PYGB: variants seen among roughly 807,000 people sequenced by gnomAD.
The protein encoded by PYGB is glycogen phosphorylase B, also known as glycogen phosphorylase, brain form.
PYGB carries 82 observed loss-of-function variants against 94.3 expected under a neutral mutation model. That is an observed-to-expected ratio of 0.87 (90% confidence interval 0.73 to 1.04). The LOEUF (loss-of-function observed/expected upper bound fraction) is 1.04, where lower values mean the gene tolerates loss of function less well. PYGB is among the 50% of genes least tolerant of loss of function. The probability of loss-of-function intolerance (pLI) is 0.00; values close to 1 mark genes in which losing one functional copy is unlikely to be tolerated. For synonymous variants in PYGB, 488 were observed against 479.1 expected, an observed-to-expected ratio of 1.02 and a Z score of -0.24; for missense variants, 1,132 against 1,158.2, an observed-to-expected ratio of 0.98 and a Z score of 0.33.
intron 19 of PYGB, 72 bp downstream of exon 19, chr20:25,295,742 T>G: frequency 1.4e-6 from 2 of 1,479,000 alleles, no homozygotes; most frequent in Non-Finnish European, 1.9e-6. Flanking sequence ...GTCAGATTGT[T>G]TATTTCCCAA....
chr20:25,263,186 C>T (rs1397669146), intron 2 of PYGB, among the ~76,000 whole-genome samples: 3 of 152,260 alleles, frequency 2.0e-5, no homozygotes, highest in Admixed American at 6.5e-5. Flanking sequence ...CCACATCGCA[C>T]TTATTCCAAA....
intron 1 of PYGB, among the ~76,000 whole-genome samples, chr20:25,249,371 T>G (rs2092881198): frequency 6.6e-6 from 1 of 152,184 alleles, no homozygotes; most frequent in Admixed American, 6.5e-5. Context: ...CTGTTGCCAG[T>G]TTTTTGTTGT....
intron 18 of PYGB, among the ~76,000 whole-genome samples, chr20:25,295,333 G>T (rs545682903): frequency 5.3e-5 from 8 of 152,256 alleles, no homozygotes; most frequent in African/African-American, 1.9e-4. Context: ...TGGAAGACAC[G>T]TTTTAAATGC....
chr20:25,257,521 A>G (rs966343163), intron 1 of PYGB, among the ~76,000 whole-genome samples: 1 of 152,202 alleles, frequency 6.6e-6, no homozygotes, highest in Non-Finnish European at 1.5e-5. Context: ...AGAGAGAGCA[A>G]ACTACAACCT....
Position 25,292,507 on chromosome 20 carries a change from G to A in PYGB, c.2071G>A (p.Gly691Ser), listed in dbSNP as rs142831569. ...KFMLNGALTI[G>S]TMDGANVEMA... ...CATGCTCAACGGGGCCCTCACCATC[G>A]GCACCATGGACGGCGCCAACGTGGA... Residue 691 changes from glycine (G) to serine (S), a missense_variant, in exon 17 of 20, where the codon GGC becomes AGC. By Grantham distance (56) the Gly-to-Ser change is moderately conservative. Transcript: ENST00000216962. 44 of 1,613,628 alleles carry A rather than the reference G, an allele frequency of 2.7e-5. No homozygotes were observed. Among genetic ancestry groups the A allele is most frequent in the African/African-American group, 8.0e-5 (6 of 75,070 alleles).
At chr20:25,295,319 C>T (rs1211604618) in intron 18 of PYGB, among the ~76,000 whole-genome samples, 3 of 152,234 alleles carry the variant, frequency 2.0e-5, no homozygotes, top group East Asian at 1.9e-4. Context: ...AACTGCCCTG[C>T]GTGTGGAAGA....
chr20:25,296,284 AAC>A, intron 19 of PYGB, 84 bp from the exon 20 acceptor site: 2 of 1,526,826 alleles, frequency 1.3e-6, no homozygotes, highest in Non-Finnish European at 9.1e-7. Flanking sequence ...CTCATTTGGA[AAC>A]AGTCCTAAAG....
chr20:25,281,906 TA>T (rs2088371168), intron 11 of PYGB, 126 bp from the exon 12 acceptor site: 1 of 789,312 alleles, frequency 1.3e-6, no homozygotes, highest in African/African-American at 1.7e-5. Context: ...CTGTTCTCCT[TA>T]GAAAACAGAA....
At chr20:25,268,600 C>T (rs2088239766) in intron 2 of PYGB, among the ~76,000 whole-genome samples, 1 of 152,148 alleles carries the variant, frequency 6.6e-6, no homozygotes, top group South Asian at 2.1e-4. Context: ...GTAATGTGAG[C>T]AATTTGTCAA....
intron 5 of PYGB, among the ~76,000 whole-genome samples, chr20:25,275,501 T>TG (rs1175612365): frequency 1.3e-5 from 2 of 152,132 alleles, no homozygotes; most frequent in Non-Finnish European, 2.9e-5. Context: ...GGAGGCTGGG[T>TG]GGTCACTGGT....
intron 17 of PYGB, 181 bp from the exon 18 acceptor site, chr20:25,293,977 A>T: frequency 1.5e-6 from 1 of 684,300 alleles, no homozygotes; most frequent in Admixed American, 2.8e-5. Flanking sequence ...CTGCTCGAGC[A>T]GGTCCCTGCT....
At chr20:25,249,231 TA>T (rs1271258882) in intron 1 of PYGB, among the ~76,000 whole-genome samples, 2 of 152,146 alleles carry the variant, frequency 1.3e-5, no homozygotes, top group African/African-American at 4.8e-5. Flanking sequence ...ATAATGCACA[TA>T]CAGTTTTTTA....
intron 1 of PYGB, among the ~76,000 whole-genome samples, chr20:25,253,564 A>G (rs1356504248): frequency 2.0e-5 from 3 of 151,940 alleles, no homozygotes. Flanking sequence ...AGACAGGAGA[A>G]TTGCTTGAAC....
intron 1 of PYGB, among the ~76,000 whole-genome samples, chr20:25,257,908 G>C (rs981615536): frequency 1.3e-5 from 2 of 152,144 alleles, no homozygotes; most frequent in South Asian, 4.1e-4. Flanking sequence ...AGAATATTAA[G>C]TTCGTTCAAA....
intron 5 of PYGB, 89 bp from the exon 6 acceptor site, chr20:25,276,557 G>A: frequency 9.2e-7 from 1 of 1,081,090 alleles, no homozygotes; most frequent in Non-Finnish European, 1.4e-6. Context: ...AGGGCGCCAG[G>A]TGCCCAGGAG....
At chr20:25,263,738 T>C (rs1348509059) in intron 2 of PYGB, among the ~76,000 whole-genome samples, 1 of 152,188 alleles carries the variant, frequency 6.6e-6, no homozygotes, top group Non-Finnish European at 1.5e-5. Context: ...CAGGAAGAAG[T>C]TGAATTCCTG....
Position 25,281,025 on chromosome 20 carries a change from G to A in PYGB, c.1316G>A (p.Arg439Gln), listed in dbSNP as rs780734083. The A allele has an allele frequency of 1.4e-5, 23 of 1,614,106 alleles. No individual in the cohort carries two copies. The highest frequency in any genetic ancestry group is 4.4e-5 in the South Asian group (4 of 91,090). Reference sequence around the variant, plus strand: ...GTGATCGAGGAGGGGGACTGCAAGCGGATCAACATGGCCCACCTGTGTGTG... The same window carrying A: ...GTGATCGAGGAGGGGGACTGCAAGCAGATCAACATGGCCCACCTGTGTGTG... ...MSVIEEGDCK[R>Q]INMAHLCVIG... is the part of the protein sequence containing the mutation. Residue 439 changes from arginine to glutamine, a missense_variant, in exon 11 of 20, where the codon CGG becomes CAG. Physicochemically the swap from Arg to Gln is conservative, Grantham distance 43 (BLOSUM62 1). Coordinates refer to ENST00000216962, the MANE Select transcript of PYGB (RefSeq NM_002862.4).
At chr20:25,250,032 G>A (rs2092883137) in intron 1 of PYGB, among the ~76,000 whole-genome samples, 1 of 152,114 alleles carries the variant, frequency 6.6e-6, no homozygotes, top group Non-Finnish European at 1.5e-5. Flanking sequence ...TGTATCTTTA[G>A]TAGAGACGGG....
At position 25,280,401 on chromosome 20, in the gene PYGB, C is replaced by T. The variant is rs201857043; in HGVS notation, c.1228C>T (p.Arg410Trp). 44 of 1,614,090 alleles carry T rather than the reference C, an allele frequency of 2.7e-5. 1 individual carries two copies. In the Middle Eastern group the frequency reaches 4.9e-4, roughly 18 times the overall value. The change falls in exon 10 of 20, where the codon CGG (arginine) becomes TGG (tryptophan). Residue 410 changes from arginine (R) to tryptophan (W), a missense_variant. Transcript: ENST00000216962. ...GGAGATAATCTATGCCATCAACCAG[C>T]GGCACCTGGACGTGAGTGTGGGCCC... is the stretch of plus-strand genomic sequence containing the variant. Reference protein sequence around the residue: ...HLEIIYAINQRHLDHVAALFP... With the variant: ...HLEIIYAINQWHLDHVAALFP...
Sources: gnomAD v4.1 joint callset for allele counts (sites outside exome capture counted in the v4.1 genomes callset) on GRCh38, gnomAD v4.1.1 for gene constraint, MANE v1.5 for transcripts, NCBI Gene and HGNC (gene_info 2026-07-23, HGNC 2026-07-21) for gene names.